The following AGAP3 variants were observed in gnomAD, a reference collection of about 807,000 sequenced individuals.
AGAP3 encodes the protein arf-GAP with GTPase, ANK repeat and PH domain-containing protein 3.
A neutral mutation model predicts 96.9 loss-of-function variants in AGAP3; 24 were observed. That is an observed-to-expected ratio of 0.25 (90% confidence interval 0.18 to 0.35). The LOEUF (loss-of-function observed/expected upper bound fraction) is 0.35. Among genes scored for constraint, AGAP3 ranks in the 10% least tolerant of loss-of-function variants. AGAP3 has a pLI of 1.00. For missense variants in AGAP3, 876 were observed against 1,254.2 expected (o/e 0.70, Z 4.55); for synonymous variants, 563 against 536.1 (o/e 1.05, Z -0.69).
rs1047088819 is a variant in AGAP3, at chr7:151,138,251, T to C, written c.1604T>C (p.Val535Ala). 1 of 1,612,834 alleles carries C rather than the reference T, an allele frequency of 6.2e-7. No individual in the cohort carries two copies. Among genetic ancestry groups the C allele is most frequent in the African/African-American group, 1.3e-5 (1 of 75,016 alleles). ...PEGLHQRSCS[V>A]SSADQWSEAT... ...GGGCTGCACCAGCGCTCCTGCTCCGTTTCCAGCGCCGACCAGTGGAGTGAG... is the reference window on the plus strand; with the variant it reads ...GGGCTGCACCAGCGCTCCTGCTCCGCTTCCAGCGCCGACCAGTGGAGTGAG... Residue 535 changes from valine (V) to alanine (A), a missense_variant, in exon 12 of 18, where the codon GTT becomes GCT. Val to Ala is a moderately conservative substitution (Grantham distance 64, BLOSUM62 0). Around this residue, in one of 8 missense-constraint regions of AGAP3, gnomAD observed 155 missense variants for 144.4 expected, o/e 1.07. Coordinates refer to ENST00000397238, the MANE Select transcript of AGAP3 (RefSeq NM_031946.7).
rs1360319984 is a variant in AGAP3 at position 151,128,627 on chromosome 7, G to A, written c.1269G>A (p.Lys423=). 2.5e-6 allele frequency: 4 copies of A among 1,613,798 alleles called. No individual in the cohort carries two copies. Among genetic ancestry groups the A allele is most frequent in the South Asian group, 1.1e-5 (1 of 91,072 alleles). The change falls in exon 10 of 18, where the codon AAG becomes AAA. Residue 423 remains lysine, a synonymous_variant. Coordinates refer to ENST00000397238, the MANE Select transcript of AGAP3 (RefSeq NM_031946.7). ...GCAAGTCCCTGAACAAGGAGTGGAA[G>A]AAGAAGTATGTGACGCTCTGTGACA... The part of the protein sequence containing the change: ...RSGKSLNKEW[K]KKYVTLCDNG...
chr7:151,121,238 ACT>A (rs1168211223), intron 8 of AGAP3, among the ~76,000 whole-genome samples: 4 of 151,662 alleles, frequency 2.6e-5, no homozygotes, highest in South Asian at 2.1e-4. Flanking sequence ...GCTAACAGAG[ACT>A]CTGTGCTGAC....
chr7:151,127,392 A>T (rs868385273), intron 9 of AGAP3, among the ~76,000 whole-genome samples: 2 of 152,022 alleles, frequency 1.3e-5, no homozygotes, highest in African/African-American at 4.8e-5. Context: ...CGCTTTTTCA[A>T]GTCTCCCTGC....
intron 1 of AGAP3, among the ~76,000 whole-genome samples, chr7:151,095,541 G>A (rs1419610357): frequency 2.0e-5 from 3 of 151,948 alleles, no homozygotes; most frequent in African/African-American, 4.8e-5. Context: ...AGGGAGGACC[G>A]AAAAGTCTAG....
At chr7:151,111,153 G>A (rs1291960241) in intron 1 of AGAP3, among the ~76,000 whole-genome samples, 1 of 152,196 alleles carries the variant, frequency 6.6e-6, no homozygotes, top group African/African-American at 2.4e-5. Flanking sequence ...GCTCAGTGGC[G>A]GGTGTGTGGC....
intron 1 of AGAP3, among the ~76,000 whole-genome samples, chr7:151,087,456 C>CG (rs1798206673): frequency 6.6e-6 from 1 of 152,090 alleles, no homozygotes; most frequent in Admixed American, 6.5e-5. Flanking sequence ...CGCAGTGGGG[C>CG]GGGGGATCGG....
rs1452370300 is a variant in AGAP3 at position 151,118,997 on chromosome 7, C to T, written c.969+365C>T. On this transcript the variant is annotated intron_variant, in intron 7 of 17. Transcript: ENST00000397238. This position sits in a 1 kb window ranked among gnomAD's most constrained non-coding sequence, Gnocchi z 6.1. ...ACCTCTGCCAATGACCGTCATCTCTCCAAGGCCTGCCCTGGCTGCAGCTGG... is the reference window on the plus strand; with the variant it reads ...ACCTCTGCCAATGACCGTCATCTCTTCAAGGCCTGCCCTGGCTGCAGCTGG... Among the ~76,000 whole-genome samples, 1 of 152,248 alleles carries T rather than the reference C, an allele frequency of 6.6e-6. No individual in the cohort carries two copies. Among genetic ancestry groups the T allele is most frequent in the Admixed American group, 6.5e-5 (1 of 15,286 alleles).
At chr7:151,110,269 C>T (rs1799227267) in intron 1 of AGAP3, among the ~76,000 whole-genome samples, 1 of 152,228 alleles carries the variant, frequency 6.6e-6, no homozygotes, top group Admixed American at 6.5e-5. Flanking sequence ...TGGCCACCTT[C>T]ATGTGCCTGG....
In AGAP3 at chr7:151,117,444, C is replaced by G; in HGVS notation, c.552C>G (p.Pro184=). Residue 184 remains proline (P), a synonymous_variant, in exon 4 of 18, where the codon CCC becomes CCG. Coordinates refer to ENST00000397238, the MANE Select transcript of AGAP3 (RefSeq NM_031946.7). ...TGCTGATCCGAGATGAAGGAGGCCC[C>G]CCTGAGCTCCAGGTGATGCTCCTGC... The part of the protein sequence containing the change: ...YLLLIRDEGG[P]PELQFAAWVD... 6.2e-7 allele frequency: 1 copy of G among 1,614,186 alleles called. No individual in the cohort carries two copies. The highest frequency in any genetic ancestry group is 8.5e-7 in the Non-Finnish European group (1 of 1,180,014).
rs1307102003 is a variant in AGAP3 at position 151,133,101 on chromosome 7, A to G, written c.1327-1299A>G. ...GCAGATATTCCAGAGGTGCTCACAG[A>G]GGGGAAAGGAGGAGCGGCTTTATGT... On this transcript the variant is annotated intron_variant, in intron 10 of 17. Coordinates refer to ENST00000397238, the MANE Select transcript of AGAP3 (RefSeq NM_031946.7). This position sits in a 1 kb window ranked among gnomAD's most constrained non-coding sequence, Gnocchi z 5.4. Among the ~76,000 whole-genome samples, 31 of 152,166 alleles carry G rather than the reference A, an allele frequency of 2.0e-4. No homozygotes were observed. The highest frequency in any genetic ancestry group is 2.0e-3 in the Admixed American group (31 of 15,276).
chr7:151,114,998 GCTCGGCCTCCTGCGCCCGCGC>G lies in AGAP3; in HGVS notation c.332-1787_332-1767del, dbSNP rs1263245467. 1.0e-6 allele frequency: 1 copy of G among 987,254 alleles called. No individual in the cohort carries two copies. The highest frequency in any genetic ancestry group is 1.2e-6 in the Non-Finnish European group (1 of 833,722). 61.2% of individuals were successfully genotyped at this position (987,254 alleles called of 1,614,324 possible). ...CGCCCACCGGCGCCCGCGGCCTTTT[GCTCGGCCTCCTGCGCCCGCGC>G]CTCGGCCGCCGGGGCCTGGCGCCCT... On this transcript the variant is annotated intron_variant, in intron 1 of 17. Transcript: ENST00000397238. The surrounding 1 kb of genome is among the most constrained non-coding windows in gnomAD (Gnocchi z 4.4).
intron 1 of AGAP3, among the ~76,000 whole-genome samples, chr7:151,110,185 C>G (rs1799223282): frequency 6.6e-6 from 1 of 152,236 alleles, no homozygotes; most frequent in African/African-American, 2.4e-5. Flanking sequence ...CCTTCCTCCC[C>G]ACAAAGAGGC....
At chr7:151,138,452 C>A in intron 12 of AGAP3, 139 bp downstream of exon 12, 1 of 1,021,856 alleles carries the variant, frequency 9.8e-7, no homozygotes, top group Non-Finnish European at 1.4e-6. Context: ...CTGGGCCCTC[C>A]TGGGCTTGTC....
chr7:151,134,436 C>T lies in AGAP3; in HGVS notation c.1363C>T (p.Leu455=). 6.2e-7 allele frequency: 1 copy of T among 1,613,610 alleles called. No homozygotes were observed. Among genetic ancestry groups the T allele is most frequent in the Non-Finnish European group, 8.5e-7 (1 of 1,180,028 alleles). The part of the protein sequence containing the change: ...MQNIHGKEID[L]LRTTVKVPGK... ...GAACATCCACGGCAAGGAGATTGAC[C>T]TGCTGCGGACAACGGTGAAAGTGCC... The change falls in exon 11 of 18, where the codon CTG becomes TTG. Residue 455 remains leucine, a synonymous_variant. Coordinates refer to ENST00000397238, the MANE Select transcript of AGAP3 (RefSeq NM_031946.7).
At chr7:151,089,295 G>A (rs1022679814) in intron 1 of AGAP3, among the ~76,000 whole-genome samples, 1 of 152,214 alleles carries the variant, frequency 6.6e-6, no homozygotes, top group Non-Finnish European at 1.5e-5. Context: ...CGAGGAGGGA[G>A]AGGCGCAGAC....
intron 12 of AGAP3, among the ~76,000 whole-genome samples, chr7:151,138,647 G>A (rs777261589): frequency 3.9e-5 from 6 of 152,200 alleles, no homozygotes; most frequent in Non-Finnish European, 8.8e-5. Flanking sequence ...CCCAGGCGGC[G>A]CTGGTGGTGG....
chr7:151,109,165 TAA>T (rs112464213), intron 1 of AGAP3, among the ~76,000 whole-genome samples: 3 of 136,292 alleles, frequency 2.2e-5, no homozygotes, highest in African/African-American at 2.7e-5. Context: ...CCCACCTCTG[TAA>T]AAAAAAAAAA....
chr7:151,138,277 G>T lies in AGAP3; in HGVS notation c.1630G>T (p.Ala544Ser). The T allele has an allele frequency of 6.2e-7, 1 of 1,612,644 alleles. No homozygotes were observed. The highest frequency in any genetic ancestry group is 1.1e-5 in the South Asian group (1 of 91,020). The change falls in exon 12 of 18, where the codon GCC (alanine) becomes TCC (serine). Residue 544 changes from alanine (A) to serine (S), a missense_variant. Around this residue, in one of 8 missense-constraint regions of AGAP3, gnomAD observed 155 missense variants for 144.4 expected, o/e 1.07. Transcript: ENST00000397238. The stretch of plus-strand genomic sequence containing the variant: ...TTCCAGCGCCGACCAGTGGAGTGAG[G>T]CCACCACTTCCCTGCCCCCAGGCAT... ...SVSSADQWSE[A>S]TTSLPPGMQH...
Position 151,096,368 on chromosome 7 carries a change from C to T in AGAP3, c.331+9296C>T, listed in dbSNP as rs1001991875. On this transcript the variant is annotated intron_variant, in intron 1 of 17. Transcript: ENST00000397238. The surrounding 1 kb of genome is among the most constrained non-coding windows in gnomAD (Gnocchi z 4.4). Reference sequence around the variant, plus strand: ...GGCTGTCACAGGGCCTGCACGTTCCCGTGAACACCCAGGGTCATCTTTGAT... The same window carrying T: ...GGCTGTCACAGGGCCTGCACGTTCCTGTGAACACCCAGGGTCATCTTTGAT... Among the ~76,000 whole-genome samples the T allele has an allele frequency of 3.5e-5, 5 of 143,624 alleles. No individual in the cohort carries two copies. The highest frequency in any genetic ancestry group is 2.2e-4 in the South Asian group (1 of 4,478). 94.2% of individuals were successfully genotyped at this position (143,624 alleles called of 152,430 possible). A position where few individuals can be genotyped will look rare whatever the true frequency, so the allele number is the denominator to read the frequency against.
Sources: allele counts gnomAD v4.1 joint callset (sites outside exome capture counted in the v4.1 genomes callset), GRCh38; gene constraint gnomAD v4.1.1; regional missense constraint gnomAD v4.1.1; non-coding constraint Gnocchi (gnomAD v3.1); transcripts MANE v1.5; gene names NCBI Gene and HGNC (gene_info 2026-07-23, HGNC 2026-07-21).